Variants in GPATCH8 observed in about 807,000 individuals in gnomAD.
GPATCH8 encodes the protein G-patch domain containing 8.
In GPATCH8, 18 loss-of-function variants were observed where a neutral mutation model predicts 118.3. That is an observed-to-expected ratio of 0.15 (90% confidence interval 0.11 to 0.23). The LOEUF is 0.23. GPATCH8 is among the 10% of genes least tolerant of loss of function. The probability of loss-of-function intolerance (pLI) is 1.00; values close to 1 mark genes in which losing one functional copy is unlikely to be tolerated. For synonymous variants in GPATCH8, 659 were observed against 684.7 expected, an observed-to-expected ratio of 0.96 and a Z score of 0.59; for missense variants, 1,631 against 1,873.8, an observed-to-expected ratio of 0.87 and a Z score of 2.39.
chr17:44,478,541 T>C (rs972699446), intron 1 of GPATCH8, among the ~76,000 whole-genome samples: 39 of 152,114 alleles, frequency 2.6e-4, no homozygotes, highest in Admixed American at 2.5e-3. Flanking sequence ...CCTAGTCCTA[T>C]AGTCCTAGCT....
intron 2 of GPATCH8, chr17:44,473,845 C>T (rs1967509637): frequency 6.6e-6 from 1 of 152,208 alleles, no homozygotes; most frequent in African/African-American, 2.4e-5. Context: ...CAACACCAAC[C>T]TAATTAGGAA....
At position 44,401,032 on chromosome 17, in the gene GPATCH8, A is replaced by T; in HGVS notation, c.1045T>A (p.Ser349Thr). Residue 349 changes from serine (S) to threonine (T), a missense_variant, in exon 8 of 8, where the codon TCT (serine) becomes ACT (threonine). This residue lies in a region of GPATCH8 where 405 missense variants were observed against 462.7 expected (regional missense o/e 0.88). Transcript: ENST00000591680. ...CCATCAAGATTACTGCTCCCATCAGAGTCTCCTACCTTCTGCAGTCCTTGG... is the reference window on the plus strand; with the variant it reads ...CCATCAAGATTACTGCTCCCATCAGTGTCTCCTACCTTCTGCAGTCCTTGG... ...SDQGLQKVGD[S>T]DGSSNLDGKK... The T allele has an allele frequency of 6.2e-7, 1 of 1,614,036 alleles. No individual in the cohort carries two copies. The highest frequency in any genetic ancestry group is 1.7e-5 in the Admixed American group (1 of 60,016).
Position 44,396,754 on chromosome 17 carries a change from G to C in GPATCH8, c.*814C>G. On this transcript the variant is annotated 3_prime_UTR_variant, in exon 8 of 8. Coordinates refer to ENST00000591680, the MANE Select transcript of GPATCH8 (RefSeq NM_001002909.4). The stretch of plus-strand genomic sequence containing the variant: ...ACAAAAAGCAGCATTTACGTTTATA[G>C]AGTTCAGTGCAATTTTTTACATTAA... The C allele has an allele frequency of 2.2e-6, 1 of 453,204 alleles. No homozygotes were observed. Among genetic ancestry groups the C allele is most frequent in the South Asian group, 1.6e-5 (1 of 64,090 alleles). 28.1% of individuals were successfully genotyped at this position (453,204 alleles called of 1,614,324 possible).
In GPATCH8 at chr17:44,399,698, T is replaced by C; in HGVS notation, c.2379A>G (p.Ser793=). The change falls in exon 8 of 8, where the codon TCA becomes TCG. Residue 793 remains serine (S), a synonymous_variant. Transcript: ENST00000591680. ...GRKHKGELPP[S]SCQRRAGTKR... Reference sequence around the variant, plus strand: ...TGGTGCCTGCTCTTCGCTGGCAGGATGAAGGTGGAAGTTCACCTTTGTGTT... The same window carrying C: ...TGGTGCCTGCTCTTCGCTGGCAGGACGAAGGTGGAAGTTCACCTTTGTGTT... 1 of 1,614,108 alleles carries C rather than the reference T, an allele frequency of 6.2e-7. No individual in the cohort carries two copies. Among genetic ancestry groups the C allele is most frequent in the Non-Finnish European group, 8.5e-7 (1 of 1,179,978 alleles).
intron 5 of GPATCH8, among the ~76,000 whole-genome samples, chr17:44,433,640 ATGACCAC>A (rs2144015208): frequency 6.6e-6 from 1 of 152,316 alleles, no homozygotes; most frequent in South Asian, 2.1e-4. Flanking sequence ...ACATGGTGTC[ATGACCAC>A]TCTTGTGCCT....
At chr17:44,476,242 T>C (rs1296614764) in intron 1 of GPATCH8, among the ~76,000 whole-genome samples, 1 of 152,086 alleles carries the variant, frequency 6.6e-6, no homozygotes, top group Non-Finnish European at 1.5e-5. Context: ...TCTCACTCTG[T>C]AGCCCAAGCT....
chr17:44,423,820 T>C (rs552564470), intron 6 of GPATCH8, among the ~76,000 whole-genome samples: 79 of 152,334 alleles, frequency 5.2e-4, no homozygotes, highest in African/African-American at 1.9e-3. Context: ...CTCTTCAACA[T>C]GCAGCAACAG....
Position 44,435,131 on chromosome 17 carries a change from A to G in GPATCH8, c.282T>C (p.Ala94=). The change falls in exon 5 of 8, where the codon GCT becomes GCC. Residue 94 remains alanine (A), a synonymous_variant. Transcript: ENST00000591680. ...MEMELDYAED[A]TERRRVLEVE... is the part of the protein sequence containing the mutation. ...CTTCTAGGACACGGCGCCGTTCGGT[A>G]GCATCTTCAGCATAATCAAGCTTGA... 6.7e-7 allele frequency: 1 copy of G among 1,485,268 alleles called. No individual in the cohort carries two copies. The highest frequency in any genetic ancestry group is 9.4e-7 in the Non-Finnish European group (1 of 1,062,424). The allele number at this position is 1,485,268 out of a possible 1,614,324, so 92.0% of individuals were successfully genotyped here. A position where few individuals can be genotyped will look rare whatever the true frequency, so the allele number is the denominator to read the frequency against.
intron 5 of GPATCH8, among the ~76,000 whole-genome samples, chr17:44,429,327 T>C (rs1247526399): frequency 6.6e-6 from 1 of 152,100 alleles, no homozygotes; most frequent in African/African-American, 2.4e-5. Context: ...TAAAAAAGGA[T>C]AATGACAACA....
intron 3 of GPATCH8, among the ~76,000 whole-genome samples, chr17:44,450,374 C>T (rs914068517): frequency 6.6e-6 from 1 of 152,194 alleles, no homozygotes; most frequent in African/African-American, 2.4e-5. Context: ...CAGCAAAACT[C>T]ACACCACTTG....
At chr17:44,483,967 G>A (rs55706834) in intron 1 of GPATCH8, among the ~76,000 whole-genome samples, 1,534 of 152,108 alleles carry the variant, frequency 0.01, 24 homozygotes, top group African/African-American at 0.035. Context: ...TCAGCGTCCC[G>A]AGTAGCTAGG....
At chr17:44,436,029 CAAAAAAA>C (rs1157048818) in intron 4 of GPATCH8, among the ~76,000 whole-genome samples, 13 of 41,830 alleles carry the variant, frequency 3.1e-4, no homozygotes, top group Admixed American at 2.5e-3. Context: ...AACTCCATCT[CAAAAAAA>C]AAAAAAAAAA....
intron 1 of GPATCH8, among the ~76,000 whole-genome samples, chr17:44,485,915 A>T (rs150863144): frequency 7.1e-4 from 108 of 152,268 alleles, no homozygotes; most frequent in African/African-American, 2.6e-3. Flanking sequence ...TATTTAGAAT[A>T]ACTAAAGGTC....
rs1485878845 is a variant in GPATCH8, at chr17:44,396,169, G to A, written c.*1399C>T. The A allele has an allele frequency of 2.2e-6, 1 of 454,352 alleles. No homozygotes were observed. Among genetic ancestry groups the A allele is most frequent in the South Asian group, 1.6e-5 (1 of 64,468 alleles). 28.1% of individuals were successfully genotyped at this position (454,352 alleles called of 1,614,324 possible). A position where few individuals can be genotyped will look rare whatever the true frequency, so the allele number is the denominator to read the frequency against. ...CATTAAAAAAAAAATTGTCAGAGGGGGCTAAGTACTAGGAAGGCAAATGGA... is the reference window on the plus strand; with the variant it reads ...CATTAAAAAAAAAATTGTCAGAGGGAGCTAAGTACTAGGAAGGCAAATGGA... On this transcript the variant is annotated 3_prime_UTR_variant, in exon 8 of 8. Coordinates refer to ENST00000591680, the MANE Select transcript of GPATCH8 (RefSeq NM_001002909.4).
intron 1 of GPATCH8, among the ~76,000 whole-genome samples, chr17:44,497,392 C>G (rs1257793771): frequency 6.6e-6 from 1 of 151,560 alleles, no homozygotes; most frequent in Non-Finnish European, 1.5e-5. Context: ...GAGTTTGAGA[C>G]CAGCCTGGGC....
At chr17:44,476,370 A>G (rs1341346741) in intron 1 of GPATCH8, among the ~76,000 whole-genome samples, 1 of 151,980 alleles carries the variant, frequency 6.6e-6, no homozygotes, top group East Asian at 1.9e-4. Flanking sequence ...ATGCCTGGCT[A>G]ATTTTTTGTA....
intron 3 of GPATCH8, among the ~76,000 whole-genome samples, chr17:44,452,049 T>C (rs975767797): frequency 5.9e-5 from 9 of 151,998 alleles, no homozygotes; most frequent in African/African-American, 2.2e-4. Flanking sequence ...TTCGGGCGGA[T>C]TGCCCGAGGT....
chr17:44,468,863 T>C (rs1035726332), intron 2 of GPATCH8, among the ~76,000 whole-genome samples: 1 of 152,160 alleles, frequency 6.6e-6, no homozygotes, highest in East Asian at 1.9e-4. Flanking sequence ...CTTTAATAAA[T>C]AAGGCAAAGC....
chr17:44,468,245 T>A (rs1966963986), intron 2 of GPATCH8, among the ~76,000 whole-genome samples: 4 of 152,006 alleles, frequency 2.6e-5, no homozygotes, highest in Admixed American at 2.6e-4. Context: ...AGTGTTGAGA[T>A]TACAGGCATA....
Sources: gnomAD v4.1 joint callset for allele counts (sites outside exome capture counted in the v4.1 genomes callset) on GRCh38, gnomAD v4.1.1 for gene constraint, gnomAD v4.1.1 regional missense constraint, MANE v1.5 for transcripts, NCBI Gene and HGNC (gene_info 2026-07-23, HGNC 2026-07-21) for gene names.